FBN1: variants seen among roughly 807,000 people sequenced by gnomAD.
FBN1 encodes the protein fibrillin 1.
In FBN1, 29 loss-of-function variants were observed where a neutral mutation model predicts 365.1. The observed-to-expected ratio is 0.08, with a 90% CI of 0.06 to 0.11. The LOEUF is 0.11. Ranked by LOEUF, FBN1 falls within the 10% of genes least tolerant of loss-of-function variation. FBN1 has a pLI of 1.00. For missense variants in FBN1, 2,476 were observed against 3,703.2 expected (o/e 0.67, Z 8.60); for synonymous variants, 1,210 against 1,270.5 (o/e 0.95, Z 1.01).
At chr15:48,455,266 G>A (rs911420794) in intron 44 of FBN1, among the ~76,000 whole-genome samples, 1 of 152,222 alleles carries the variant, frequency 6.6e-6, no homozygotes, top group Non-Finnish European at 1.5e-5. Flanking sequence ...AAAATGCCTT[G>A]CATTGGTACA....
At chr15:48,425,704 C>A in intron 59 of FBN1, 35 bp downstream of exon 59, 1 of 1,607,730 alleles carries the variant, frequency 6.2e-7, no homozygotes, top group South Asian at 1.1e-5. Context: ...CTAAAATTTC[C>A]ACTTGAGGAT....
chr15:48,455,407 A>G (rs2043231285), intron 44 of FBN1, among the ~76,000 whole-genome samples: 1 of 152,222 alleles, frequency 6.6e-6, no homozygotes, highest in Non-Finnish European at 1.5e-5. Flanking sequence ...GTACCTGGGT[A>G]CAGTCATCAT....
chr15:48,492,602 A>G lies in FBN1; in HGVS notation c.2729-16T>C, dbSNP rs1732085225. On this transcript the variant is annotated splice_polypyrimidine_tract_variant and intron_variant, in intron 23 of 65. Transcript: ENST00000316623. ...TCATCTATATCTAAAAAGAAAAAAAAAGTATAAAGTTAATATATCTTTATA... is the reference window on the plus strand; with the variant it reads ...TCATCTATATCTAAAAAGAAAAAAAGAGTATAAAGTTAATATATCTTTATA... 2 of 1,526,134 alleles carry G rather than the reference A, an allele frequency of 1.3e-6. No homozygotes were observed. The highest frequency in any genetic ancestry group is 1.4e-5 in the African/African-American group (1 of 72,452). The allele number at this position is 1,526,134 out of a possible 1,614,324, so 94.5% of individuals were successfully genotyped here. A position where few individuals can be genotyped will look rare whatever the true frequency, so the allele number is the denominator to read the frequency against.
intron 53 of FBN1, among the ~76,000 whole-genome samples, chr15:48,435,716 GTA>G (rs1345838870): frequency 2.1e-5 from 3 of 141,992 alleles, no homozygotes; most frequent in East Asian, 2.2e-4. Flanking sequence ...ATATATGTGT[GTA>G]TATATATGTG....
chr15:48,494,249 T>C lies in FBN1; in HGVS notation c.2683A>G (p.Ile895Val), dbSNP rs772308703. The change falls in exon 23 of 66, where the codon ATA (isoleucine) becomes GTA (valine). Residue 895 changes from isoleucine to valine, a missense_variant. Around this residue, in one of 5 missense-constraint regions of FBN1, gnomAD observed 1,780 missense variants for 2,840.8 expected, o/e 0.63. Coordinates refer to ENST00000316623, the MANE Select transcript of FBN1 (RefSeq NM_000138.5). ...ATTCTTGAGTACCCTTTACCACATATGGGATCTGTAATAAAAAGCGAAAAA... is the reference window on the plus strand; with the variant it reads ...ATTCTTGAGTACCCTTTACCACATACGGGATCTGTAATAAAAAGCGAAAAA... ...SPCTLCQVDP[I>V]CGKGYSRIKG... 5.6e-6 allele frequency: 9 copies of C among 1,612,738 alleles called. No homozygotes were observed. Among genetic ancestry groups the C allele is most frequent in the East Asian group, 2.2e-5 (1 of 44,836 alleles).
intron 55 of FBN1, among the ~76,000 whole-genome samples, chr15:48,432,610 T>C (rs2043032002): frequency 6.6e-6 from 1 of 152,204 alleles, no homozygotes; most frequent in South Asian, 2.1e-4. Flanking sequence ...CCATATCTTG[T>C]AGAAATACTG....
In FBN1 at chr15:48,470,311, C is replaced by T. The variant is rs2279236; in HGVS notation, c.4459+323G>A. On this transcript the variant is annotated intron_variant, in intron 36 of 65. Transcript: ENST00000316623. The stretch of plus-strand genomic sequence containing the variant: ...TGATCCCGGGGCATGGCCTCCAAAA[C>T]GAAACTCTCCAAAAATGTACCCAAG... Among the ~76,000 whole-genome samples, 2,423 of 152,072 alleles carry T rather than the reference C, an allele frequency of 0.016. 198 individuals are homozygous for T. In the East Asian group the frequency reaches 0.24, roughly 15 times the overall value.
intron 14 of FBN1, 27 bp downstream of exon 14, chr15:48,510,017 G>T: frequency 6.2e-7 from 1 of 1,611,552 alleles, no homozygotes; most frequent in South Asian, 1.1e-5. Context: ...TGGAAGGAGA[G>T]GACTAACATT....
chr15:48,536,533 G>A (rs1220950668), intron 7 of FBN1, among the ~76,000 whole-genome samples: 1 of 152,122 alleles, frequency 6.6e-6, no homozygotes, highest in Non-Finnish European at 1.5e-5. Context: ...AAAATAAGAA[G>A]GCACCAAAAA....
chr15:48,468,011 G>A lies in FBN1; in HGVS notation c.4674C>T (p.Ser1558=), dbSNP rs1263149337. 1 of 1,613,998 alleles carries A rather than the reference G, an allele frequency of 6.2e-7. No individual in the cohort carries two copies. The highest frequency in any genetic ancestry group is 1.3e-5 in the African/African-American group (1 of 74,910). The change falls in exon 38 of 66, where the codon TCC becomes TCT. Residue 1558 remains serine, a synonymous_variant. Transcript: ENST00000316623. The stretch of plus-strand genomic sequence containing the variant: ...CCAGAGAACAGCAGCAGGAAGCTTT[G>A]GAAACACCAACTCCAATTTCATTGC... The part of the protein sequence containing the change: ...ACSNEIGVGV[S]KASCCCSLGK...
rs77659312 is a variant in FBN1, at chr15:48,543,628, T to C, written c.539-5820A>G. On this transcript the variant is annotated intron_variant, in intron 6 of 65. Coordinates refer to ENST00000316623, the MANE Select transcript of FBN1 (RefSeq NM_000138.5). ...CAACCAGAAAACTCAGAACATGTGA[T>C]ATTTTCTAAGGCAATTGTCTAGAAC... Among the ~76,000 whole-genome samples, 806 of 152,346 alleles carry C rather than the reference T, an allele frequency of 5.3e-3. 19 individuals carry two copies. The East Asian group carries it at 0.075, about 14-fold the overall frequency.
intron 2 of FBN1, among the ~76,000 whole-genome samples, chr15:48,639,878 A>G (rs1422615859): frequency 6.6e-6 from 1 of 152,194 alleles, no homozygotes; most frequent in Non-Finnish European, 1.5e-5. Flanking sequence ...CATTTGTAAA[A>G]TCTTATTTTC....
chr15:48,441,886 T>A (rs553397955), intron 49 of FBN1, 40 bp from the exon 50 acceptor site: 1 of 1,609,344 alleles, frequency 6.2e-7, no homozygotes, highest in South Asian at 1.1e-5. Context: ...CAAAACACGA[T>A]GGAGACATCA....
At chr15:48,445,558 C>T in intron 47 of FBN1, 54 bp from the exon 48 acceptor site, 1 of 1,584,068 alleles carries the variant, frequency 6.3e-7, no homozygotes, top group Admixed American at 1.7e-5. Flanking sequence ...GTCATAATCC[C>T]AGCAATAATC....
intron 29 of FBN1, among the ~76,000 whole-genome samples, chr15:48,485,996 C>A (rs371969653): frequency 2.0e-5 from 3 of 152,172 alleles, no homozygotes; most frequent in African/African-American, 7.2e-5. Flanking sequence ...TAATGACATA[C>A]CTACTATATG....
chr15:48,471,534 C>T (rs1330499712), intron 35 of FBN1, among the ~76,000 whole-genome samples: 1 of 152,166 alleles, frequency 6.6e-6, no homozygotes, highest in African/African-American at 2.4e-5. Flanking sequence ...TGATCAAGAG[C>T]ATAATCTGGT....
chr15:48,481,607 A>T, intron 32 of FBN1, 48 bp downstream of exon 32: 1 of 1,590,122 alleles, frequency 6.3e-7, no homozygotes, highest in Non-Finnish European at 8.6e-7. Context: ...TTATGATACC[A>T]ATCTCTTAAC....
intron 23 of FBN1, among the ~76,000 whole-genome samples, chr15:48,493,739 A>C (rs371084984): frequency 6.6e-6 from 1 of 152,196 alleles, no homozygotes; most frequent in Non-Finnish European, 1.5e-5. Flanking sequence ...ACCTATGTCT[A>C]TCTGAAACTC....
intron 17 of FBN1, among the ~76,000 whole-genome samples, chr15:48,500,099 G>A (rs887619494): frequency 6.6e-6 from 1 of 152,134 alleles, no homozygotes; most frequent in African/African-American, 2.4e-5. Context: ...ATCTTAGAAG[G>A]GGTCAAAAAA....
Sources: gnomAD v4.1 joint callset for allele counts (sites outside exome capture counted in the v4.1 genomes callset) on GRCh38, gnomAD v4.1.1 for gene constraint, gnomAD v4.1.1 regional missense constraint, MANE v1.5 for transcripts, NCBI Gene and HGNC (gene_info 2026-07-23, HGNC 2026-07-21) for gene names.